The following SLC9A9 variants were observed in gnomAD, a reference collection of about 807,000 sequenced individuals.
SLC9A9 encodes sodium/hydrogen exchanger 9.
A neutral mutation model predicts 77.8 loss-of-function variants in SLC9A9; 62 were observed. That is an observed-to-expected ratio of 0.80 (90% confidence interval 0.65 to 0.98). The LOEUF (loss-of-function observed/expected upper bound fraction) is 0.98. Ranked by LOEUF, SLC9A9 falls within the 50% of genes least tolerant of loss-of-function variation. The pLI is 0.00. For missense variants in SLC9A9, 775 were observed against 774.9 expected (o/e 1.00, Z 0.00); for synonymous variants, 320 against 283.5 (o/e 1.13, Z -1.29).
At chr3:143,798,653 G>T (rs2008459606) in intron 2 of SLC9A9, among the ~76,000 whole-genome samples, 1 of 152,106 alleles carries the variant, frequency 6.6e-6, no homozygotes, top group Admixed American at 6.5e-5. Flanking sequence ...ACTCGACAGT[G>T]GTTCCAAACA....
chr3:143,619,405 C>T (rs948783075), intron 6 of SLC9A9, among the ~76,000 whole-genome samples: 1 of 152,140 alleles, frequency 6.6e-6, no homozygotes, highest in Non-Finnish European at 1.5e-5. Flanking sequence ...AAACCGGAAC[C>T]ATTATGCTTG....
chr3:143,806,378 G>A (rs975389838), intron 2 of SLC9A9, among the ~76,000 whole-genome samples: 8 of 151,986 alleles, frequency 5.3e-5, no homozygotes, highest in African/African-American at 1.9e-4. Context: ...TGCATACTTT[G>A]ATGATTATTG....
chr3:143,396,395 A>T (rs978021276), intron 12 of SLC9A9, among the ~76,000 whole-genome samples: 48 of 152,242 alleles, frequency 3.2e-4, no homozygotes, highest in African/African-American at 1.2e-3. Context: ...GAATTGAACC[A>T]TGAGAACACA....
intron 6 of SLC9A9, among the ~76,000 whole-genome samples, chr3:143,588,634 G>A (rs1324663756): frequency 6.6e-6 from 1 of 152,198 alleles, no homozygotes; most frequent in Non-Finnish European, 1.5e-5. Context: ...TTCCAATTTA[G>A]CTTGAAACAT....
At chr3:143,377,326 C>T (rs768255031) in intron 13 of SLC9A9, among the ~76,000 whole-genome samples, 10 of 152,224 alleles carry the variant, frequency 6.6e-5, no homozygotes, top group Non-Finnish European at 5.9e-5. Flanking sequence ...AGTCTTCATT[C>T]GCTTTACACC....
chr3:143,314,418 G>GT (rs1396795308), intron 14 of SLC9A9: 1 of 152,298 alleles, frequency 6.6e-6, no homozygotes, highest in Admixed American at 6.5e-5. Context: ...TACCGAGTAG[G>GT]TTTAAGGGAG....
At chr3:143,385,738 G>C (rs1037959292) in intron 12 of SLC9A9, among the ~76,000 whole-genome samples, 2 of 152,166 alleles carry the variant, frequency 1.3e-5, no homozygotes, top group Non-Finnish European at 2.9e-5. Flanking sequence ...CAGCCCCCCA[G>C]GTGAGATCAC....
At chr3:143,364,464 AG>A (rs2032841069) in intron 13 of SLC9A9, among the ~76,000 whole-genome samples, 1 of 152,190 alleles carries the variant, frequency 6.6e-6, no homozygotes, top group African/African-American at 2.4e-5. Context: ...GCAGTCTGGT[AG>A]TAATATGAAT....
chr3:143,743,087 C>T (rs1258995297), intron 4 of SLC9A9, among the ~76,000 whole-genome samples: 1 of 152,034 alleles, frequency 6.6e-6, no homozygotes. Flanking sequence ...CACTACTCCA[C>T]TTCCAGAACC....
intron 4 of SLC9A9, among the ~76,000 whole-genome samples, chr3:143,773,303 C>A (rs1250797627): frequency 6.6e-6 from 1 of 151,970 alleles, no homozygotes; most frequent in Non-Finnish European, 1.5e-5. Context: ...AAGAGATGTT[C>A]AGTAGCACAT....
rs981091995 is a variant in SLC9A9 at position 143,483,995 on chromosome 3, G to A, written c.1315+9658C>T. Among the ~76,000 whole-genome samples the A allele has an allele frequency of 2.0e-5, 3 of 152,140 alleles. 1 individual carries two copies. In the South Asian group the frequency reaches 6.2e-4, roughly 32 times the overall value. ...TGAATGAATGACTATCTGGATGACT[G>A]TGAATGAGGAAATATAGAAATAAAT... On this transcript the variant is annotated intron_variant, in intron 11 of 15. Coordinates refer to ENST00000316549, the MANE Select transcript of SLC9A9 (RefSeq NM_173653.4).
At chr3:143,514,934 G>T (rs1273984486) in intron 9 of SLC9A9, among the ~76,000 whole-genome samples, 1 of 152,120 alleles carries the variant, frequency 6.6e-6, no homozygotes, top group Non-Finnish European at 1.5e-5. Flanking sequence ...CAATAAATTG[G>T]CTGTTTTGTG....
chr3:143,675,800 G>C (rs1560025956), intron 5 of SLC9A9, among the ~76,000 whole-genome samples: 1 of 152,120 alleles, frequency 6.6e-6, no homozygotes, highest in African/African-American at 2.4e-5. Flanking sequence ...CCATAAATAT[G>C]ATCATAATAT....
At chr3:143,336,558 C>A (rs1199841587) in intron 14 of SLC9A9, among the ~76,000 whole-genome samples, 1 of 152,122 alleles carries the variant, frequency 6.6e-6, no homozygotes, top group Admixed American at 6.6e-5. Flanking sequence ...GGATATTCTT[C>A]AGCTTTAAAA....
intron 14 of SLC9A9, among the ~76,000 whole-genome samples, chr3:143,279,270 A>G (rs1938146430): frequency 6.6e-6 from 1 of 152,166 alleles, no homozygotes; most frequent in Non-Finnish European, 1.5e-5. Flanking sequence ...GGCACTGCTC[A>G]TTGTTTCATG....
chr3:143,628,579 T>G (rs2038369616), intron 6 of SLC9A9, among the ~76,000 whole-genome samples: 1 of 152,162 alleles, frequency 6.6e-6, no homozygotes, highest in South Asian at 2.1e-4. Flanking sequence ...CTCAAAGCAT[T>G]GTACATTGGA....
At chr3:143,328,063 T>TC (rs2031654634) in intron 14 of SLC9A9, among the ~76,000 whole-genome samples, 8 of 152,324 alleles carry the variant, frequency 5.3e-5, no homozygotes, top group Admixed American at 3.9e-4. Context: ...AAAGAATAGA[T>TC]CTCTATAAAT....
At chr3:143,721,296 A>G (rs932187397) in intron 4 of SLC9A9, among the ~76,000 whole-genome samples, 6 of 152,118 alleles carry the variant, frequency 3.9e-5, no homozygotes, top group Non-Finnish European at 7.4e-5. Context: ...CCTAACTGCA[A>G]CCCCAGGCCA....
intron 14 of SLC9A9, among the ~76,000 whole-genome samples, chr3:143,344,761 A>C (rs552386808): frequency 6.6e-6 from 1 of 152,076 alleles, no homozygotes; most frequent in Non-Finnish European, 1.5e-5. Context: ...GTTTCCTGGC[A>C]TGTAATTGTT....
Sources: gnomAD v4.1 joint callset for allele counts (sites outside exome capture counted in the v4.1 genomes callset) on GRCh38, gnomAD v4.1.1 for gene constraint, MANE v1.5 for transcripts, NCBI Gene and HGNC (gene_info 2026-07-23, HGNC 2026-07-21) for gene names.